Variants in GRIN3A observed in about 807,000 individuals in gnomAD.
GRIN3A encodes glutamate receptor ionotropic, NMDA 3A.
Under a neutral mutation model 92.4 loss-of-function variants are expected in GRIN3A, and 47 were observed. The observed-to-expected ratio is 0.51, with a 90% CI of 0.40 to 0.65. The LOEUF is 0.65. Among genes scored for constraint, GRIN3A ranks in the 30% least tolerant of loss-of-function variants. The pLI is 0.00. For synonymous variants in GRIN3A, 527 were observed against 540.6 expected, an observed-to-expected ratio of 0.97 and a Z score of 0.35; for missense variants, 1,324 against 1,393.1, an observed-to-expected ratio of 0.95 and a Z score of 0.79.
intron 6 of GRIN3A, chr9:101,603,065 AAGTT>A (rs1828233060): frequency 6.6e-6 from 1 of 152,220 alleles, no homozygotes; most frequent in African/African-American, 2.4e-5. Flanking sequence ...AACACTACAA[AAGTT>A]AGTTAAACCA....
chr9:101,699,094 G>A (rs1829722412), intron 1 of GRIN3A, among the ~76,000 whole-genome samples: 1 of 152,166 alleles, frequency 6.6e-6, no homozygotes, highest in Non-Finnish European at 1.5e-5. Flanking sequence ...TCGTAGAGCT[G>A]TACAAAAATG....
intron 3 of GRIN3A, among the ~76,000 whole-genome samples, chr9:101,631,578 T>G (rs1252169441): frequency 6.6e-6 from 1 of 152,168 alleles, no homozygotes; most frequent in African/African-American, 2.4e-5. Context: ...ATGGAAGGAA[T>G]CAGGGAACCA....
At chr9:101,637,197 A>T (rs1828795786) in intron 3 of GRIN3A, among the ~76,000 whole-genome samples, 1 of 151,894 alleles carries the variant, frequency 6.6e-6, no homozygotes, top group Non-Finnish European at 1.5e-5. Context: ...GGTTCGCACC[A>T]TTCTCCTGCC....
intron 1 of GRIN3A, among the ~76,000 whole-genome samples, chr9:101,721,074 A>G (rs1445510089): frequency 6.6e-6 from 1 of 152,222 alleles, no homozygotes; most frequent in Non-Finnish European, 1.5e-5. Context: ...GAAAGAGTAC[A>G]TGATATGGTT....
At chr9:101,635,160 A>G (rs917021085) in intron 3 of GRIN3A, among the ~76,000 whole-genome samples, 3 of 152,142 alleles carry the variant, frequency 2.0e-5, no homozygotes, top group Admixed American at 2.0e-4. Context: ...AGTCAACAAC[A>G]TTCTTTGACA....
chr9:101,672,723 A>T (rs1829345435), intron 2 of GRIN3A, among the ~76,000 whole-genome samples: 1 of 152,196 alleles, frequency 6.6e-6, no homozygotes, highest in Non-Finnish European at 1.5e-5. Context: ...AGATGCTACT[A>T]TCAATCAATG....
intron 6 of GRIN3A, among the ~76,000 whole-genome samples, chr9:101,612,887 T>G (rs1828384931): frequency 6.6e-6 from 1 of 152,226 alleles, no homozygotes; most frequent in Non-Finnish European, 1.5e-5. Flanking sequence ...AATCCATGAC[T>G]CTGTAATCTA....
chr9:101,737,991 G>A lies in GRIN3A; in HGVS notation c.-12C>T, dbSNP rs1457486626. The A allele has an allele frequency of 6.5e-7, 1 of 1,531,432 alleles. No individual in the cohort carries two copies. The highest frequency in any genetic ancestry group is 2.0e-5 in the Admixed American group (1 of 51,052). 94.9% of individuals were successfully genotyped at this position (1,531,432 alleles called of 1,614,324 possible). A position where few individuals can be genotyped will look rare whatever the true frequency, so the allele number is the denominator to read the frequency against. On this transcript the variant is annotated 5_prime_UTR_variant, in exon 1 of 9. Transcript: ENST00000361820. ...CTCAGTCTCCTCATTACTGAGACCC[G>A]CAGGGAGAAAGCGCGCCCCCTCCTG...
At chr9:101,634,116 G>A (rs1242852309) in intron 3 of GRIN3A, among the ~76,000 whole-genome samples, 2 of 152,010 alleles carry the variant, frequency 1.3e-5, no homozygotes, top group East Asian at 1.9e-4. Flanking sequence ...GGTGGATCAC[G>A]AGGTCAGGAG....
intron 1 of GRIN3A, among the ~76,000 whole-genome samples, chr9:101,710,243 C>G (rs1053509952): frequency 6.6e-6 from 1 of 152,102 alleles, no homozygotes; most frequent in Non-Finnish European, 1.5e-5. Context: ...GGCTCTAAGT[C>G]TCAACTATCA....
chr9:101,580,262 T>A (rs1191739989), intron 6 of GRIN3A, among the ~76,000 whole-genome samples: 1 of 152,188 alleles, frequency 6.6e-6, no homozygotes, highest in Non-Finnish European at 1.5e-5. Flanking sequence ...GCTGGCCTGC[T>A]GGCTGCAACC....
intron 6 of GRIN3A, among the ~76,000 whole-genome samples, chr9:101,582,997 A>G (rs370916848): frequency 2.8e-4 from 42 of 152,318 alleles, no homozygotes; most frequent in African/African-American, 9.6e-4. Context: ...AGAAGTAGTT[A>G]TTGTTTTTAA....
intron 6 of GRIN3A, among the ~76,000 whole-genome samples, chr9:101,584,254 A>G (rs1279972582): frequency 6.6e-6 from 1 of 152,210 alleles, no homozygotes; most frequent in East Asian, 1.9e-4. Context: ...GCAACTCTTT[A>G]ACTAGTAAGT....
At chr9:101,574,399 A>C (rs954766821) in intron 8 of GRIN3A, among the ~76,000 whole-genome samples, 1 of 152,196 alleles carries the variant, frequency 6.6e-6, no homozygotes, top group Non-Finnish European at 1.5e-5. Flanking sequence ...ATAGGAGAAG[A>C]AGCAGGAGGA....
chr9:101,648,922 G>A (rs1027542693), intron 3 of GRIN3A, among the ~76,000 whole-genome samples: 1 of 151,892 alleles, frequency 6.6e-6, no homozygotes, highest in Non-Finnish European at 1.5e-5. Flanking sequence ...CCCATTATGG[G>A]AAGAACTTAT....
chr9:101,717,626 C>T (rs1404556120), intron 1 of GRIN3A, among the ~76,000 whole-genome samples: 1 of 152,184 alleles, frequency 6.6e-6, no homozygotes, highest in Non-Finnish European at 1.5e-5. Flanking sequence ...AAATACAGTT[C>T]CAGGCTTTTC....
intron 1 of GRIN3A, among the ~76,000 whole-genome samples, chr9:101,708,737 A>T (rs1285463114): frequency 1.3e-5 from 2 of 152,204 alleles, no homozygotes; most frequent in Non-Finnish European, 2.9e-5. Context: ...GGCTAGCCTG[A>T]CATTTTTATG....
intron 4 of GRIN3A, among the ~76,000 whole-genome samples, chr9:101,626,508 C>T (rs889910299): frequency 6.6e-6 from 1 of 152,114 alleles, no homozygotes; most frequent in Admixed American, 6.6e-5. Context: ...CAGGAAATGA[C>T]TAGGCTGAAA....
At chr9:101,724,253 C>G (rs1830054671) in intron 1 of GRIN3A, among the ~76,000 whole-genome samples, 1 of 152,226 alleles carries the variant, frequency 6.6e-6, no homozygotes, top group South Asian at 2.1e-4. Context: ...GTCCCAGGCC[C>G]TGCCCCACAG....
Sources: allele counts gnomAD v4.1 joint callset (sites outside exome capture counted in the v4.1 genomes callset), GRCh38; gene constraint gnomAD v4.1.1; transcripts MANE v1.5; gene names NCBI Gene and HGNC (gene_info 2026-07-23, HGNC 2026-07-21).